Variants in TRDN observed in about 807,000 individuals in gnomAD.
The protein encoded by TRDN is triadin.
Under a neutral mutation model 149.7 loss-of-function variants are expected in TRDN, and 161 were observed. The ratio of observed to expected loss-of-function variants is 1.08; its 90% CI spans 0.95 to 1.23. The LOEUF is 1.23. Among genes scored for constraint, TRDN ranks in the 50% most tolerant of loss-of-function variants. The pLI is 0.00. For missense variants in TRDN, 896 were observed against 823.5 expected, an observed-to-expected ratio of 1.09 and a Z score of -1.08; for synonymous variants, 294 against 250.5, an observed-to-expected ratio of 1.17 and a Z score of -1.64.
At chr6:123,467,780 C>T (rs965680111) in intron 9 of TRDN, among the ~76,000 whole-genome samples, 13 of 152,102 alleles carry the variant, frequency 8.5e-5, no homozygotes, top group African/African-American at 3.1e-4. Context: ...CATTATATAA[C>T]ATATATAATA....
chr6:123,435,769 C>T (rs1481564467), intron 12 of TRDN, among the ~76,000 whole-genome samples: 1 of 152,140 alleles, frequency 6.6e-6, no homozygotes, highest in African/African-American at 2.4e-5. Flanking sequence ...AGCAATTACT[C>T]AGTTTGGTCT....
chr6:123,234,191 A>G (rs2114528311), intron 38 of TRDN, among the ~76,000 whole-genome samples: 1 of 152,192 alleles, frequency 6.6e-6, no homozygotes, highest in African/African-American at 2.4e-5. Context: ...TCTATTATGA[A>G]TTTAGTGCTA....
intron 1 of TRDN, among the ~76,000 whole-genome samples, chr6:123,606,881 TATA>T (rs1283972877): frequency 8.5e-5 from 13 of 152,224 alleles, no homozygotes; most frequent in African/African-American, 3.1e-4. Context: ...CTTTATACTA[TATA>T]CAATCATCTT....
chr6:123,308,377 C>G (rs1370232116), intron 24 of TRDN, among the ~76,000 whole-genome samples: 1 of 150,372 alleles, frequency 6.7e-6, no homozygotes, highest in African/African-American at 2.4e-5. Context: ...TGCATAAATA[C>G]CCAGTAATTG....
intron 24 of TRDN, among the ~76,000 whole-genome samples, chr6:123,296,347 G>A (rs1778196555): frequency 6.6e-6 from 1 of 152,100 alleles, no homozygotes; most frequent in African/African-American, 2.4e-5. Context: ...CATTTAAATT[G>A]ACTTGAAGAT....
intron 10 of TRDN, chr6:123,456,841 C>T (rs1444379171): frequency 2.2e-6 from 1 of 455,984 alleles, no homozygotes; most frequent in Non-Finnish European, 4.4e-6. Flanking sequence ...CCACTTTTCT[C>T]ACTCATTCTA....
intron 19 of TRDN, among the ~76,000 whole-genome samples, chr6:123,368,692 C>T (rs1271777831): frequency 6.6e-6 from 1 of 152,038 alleles, no homozygotes. Flanking sequence ...ATATTTGTAC[C>T]CTCAGAATTT....
chr6:123,604,747 A>G (rs139962148), intron 1 of TRDN, among the ~76,000 whole-genome samples: 2,683 of 152,046 alleles, frequency 0.018, 58 homozygotes, highest in African/African-American at 0.056. Flanking sequence ...TTGTGTTGGG[A>G]GGGGTAATGA....
At chr6:123,428,523 AC>A in intron 12 of TRDN, among the ~76,000 whole-genome samples, 1 of 152,286 alleles carries the variant, frequency 6.6e-6, no homozygotes, top group Admixed American at 6.5e-5. Flanking sequence ...AAGCCAGTTT[AC>A]TCCAGAATAG....
At chr6:123,266,095 ATATTATATATCATATG>A (rs1776943433) in intron 32 of TRDN, among the ~76,000 whole-genome samples, 1 of 130,656 alleles carries the variant, frequency 7.7e-6, no homozygotes, top group African/African-American at 2.9e-5. Context: ...TATATTATAT[ATATTATATATCATATG>A]TATTATATAT....
intron 40 of TRDN, among the ~76,000 whole-genome samples, chr6:123,220,616 G>C (rs951639702): frequency 6.6e-6 from 1 of 151,730 alleles, no homozygotes; most frequent in Admixed American, 6.6e-5. Context: ...ATCCAAAGAA[G>C]TACTTGGAAC....
intron 35 of TRDN, among the ~76,000 whole-genome samples, chr6:123,257,330 G>A (rs1352346656): frequency 2.0e-5 from 3 of 152,078 alleles, no homozygotes; most frequent in Non-Finnish European, 4.4e-5. Context: ...GCATAAGGAA[G>A]GTGTCCAGTT....
intron 19 of TRDN, among the ~76,000 whole-genome samples, chr6:123,369,888 G>A (rs1781256969): frequency 6.6e-6 from 1 of 151,996 alleles, no homozygotes; most frequent in African/African-American, 2.4e-5. Flanking sequence ...CTTCACTGAT[G>A]CTTTCACAAT....
intron 12 of TRDN, among the ~76,000 whole-genome samples, chr6:123,416,188 A>C (rs376965995): frequency 1.3e-5 from 2 of 152,324 alleles, no homozygotes; most frequent in African/African-American, 4.8e-5. Context: ...TGTTTATGTT[A>C]ATTCTAATTG....
At chr6:123,337,331 T>G (rs1384458665) in intron 22 of TRDN, among the ~76,000 whole-genome samples, 1 of 152,086 alleles carries the variant, frequency 6.6e-6, no homozygotes, top group Non-Finnish European at 1.5e-5. Context: ...TAATATTCTT[T>G]ACTTCCCTTC....
intron 4 of TRDN, among the ~76,000 whole-genome samples, chr6:123,530,962 A>G (rs950852641): frequency 1.3e-5 from 2 of 151,918 alleles, no homozygotes; most frequent in Admixed American, 6.6e-5. Context: ...TTAAATTAAG[A>G]ATTTGTGAAA....
chr6:123,463,015 C>T (rs542080380), intron 10 of TRDN: 8 of 152,258 alleles, frequency 5.3e-5, no homozygotes, highest in African/African-American at 1.9e-4. Context: ...CAGCCTATTA[C>T]TAGGTTCTGG....
Position 123,636,892 on chromosome 6 carries a change from C to T in TRDN, c.-117G>A, listed in dbSNP as rs569636444. ...TCTGTGTCAAAACCTGGGGGCTCTT[C>T]GTTTTCCTGGCTGTTTCTGCTGCTT... On this transcript the variant is annotated 5_prime_UTR_variant, in exon 1 of 41. Coordinates refer to ENST00000334268, the MANE Select transcript of TRDN (RefSeq NM_006073.4). The T allele has an allele frequency of 1.7e-6, 2 of 1,194,278 alleles. No individual in the cohort carries two copies. The highest frequency in any genetic ancestry group is 2.5e-6 in the Non-Finnish European group (2 of 813,964). 74.0% of individuals were successfully genotyped at this position (1,194,278 alleles called of 1,614,324 possible).
At chr6:123,335,364 A>G (rs912803939) in intron 22 of TRDN, among the ~76,000 whole-genome samples, 2 of 151,888 alleles carry the variant, frequency 1.3e-5, no homozygotes, top group Non-Finnish European at 2.9e-5. Context: ...TTTTACATTG[A>G]GCAAAAACTT....
Sources: gnomAD v4.1 joint callset for allele counts (sites outside exome capture counted in the v4.1 genomes callset) on GRCh38, gnomAD v4.1.1 for gene constraint, MANE v1.5 for transcripts, NCBI Gene and HGNC (gene_info 2026-07-23, HGNC 2026-07-21) for gene names.